Variants in BABAM2 observed in about 807,000 individuals in gnomAD.
BABAM2 encodes the protein BRISC and BRCA1 A complex member 2.
BABAM2 carries 31 observed loss-of-function variants against 54.7 expected under a neutral mutation model. The ratio of observed to expected loss-of-function variants is 0.57; its 90% CI spans 0.43 to 0.77. The LOEUF (loss-of-function observed/expected upper bound fraction) is 0.77. Among genes scored for constraint, BABAM2 ranks in the 30% least tolerant of loss-of-function variants. BABAM2 has a pLI of 0.00. For synonymous variants in BABAM2, 167 were observed against 162.9 expected (o/e 1.03, Z -0.19); for missense variants, 364 against 455.8 (o/e 0.80, Z 1.83).
At chr2:28,131,548 G>A (rs1390729967) in intron 7 of BABAM2, among the ~76,000 whole-genome samples, 2 of 152,048 alleles carry the variant, frequency 1.3e-5, no homozygotes, top group African/African-American at 4.8e-5. Context: ...CTCTGAGCTT[G>A]TTTCCTCAGT....
chr2:27,979,085 C>T (rs192827254), intron 3 of BABAM2, among the ~76,000 whole-genome samples: 17 of 147,724 alleles, frequency 1.2e-4, no homozygotes, highest in East Asian at 2.0e-4. Context: ...TGGAGTGCAG[C>T]GGCACAATCT....
intron 7 of BABAM2, among the ~76,000 whole-genome samples, chr2:28,232,673 C>G (rs1250041638): frequency 6.6e-6 from 1 of 152,064 alleles, no homozygotes; most frequent in Non-Finnish European, 1.5e-5. Context: ...ATTTGTGTGT[C>G]TAAACATATC....
intron 6 of BABAM2, among the ~76,000 whole-genome samples, chr2:28,085,146 A>C (rs542061886): frequency 1.3e-5 from 2 of 152,248 alleles, no homozygotes; most frequent in African/African-American, 4.8e-5. Flanking sequence ...TAGACATGGC[A>C]TAGGAAATGT....
chr2:27,996,511 A>G (rs1029644129), intron 4 of BABAM2: 3 of 112,058 alleles, frequency 2.7e-5, no homozygotes, highest in Admixed American at 8.7e-5. Context: ...GTGGATCTCA[A>G]ATTCTAAATG....
chr2:28,241,683 C>T (rs574689008), intron 9 of BABAM2, among the ~76,000 whole-genome samples: 84 of 151,922 alleles, frequency 5.5e-4, no homozygotes, highest in Non-Finnish European at 8.7e-4. Flanking sequence ...TTAGTAGAGA[C>T]GGGGTTTCAC....
At chr2:28,104,404 A>G (rs369113305) in intron 6 of BABAM2, among the ~76,000 whole-genome samples, 1,884 of 152,360 alleles carry the variant, frequency 0.012, 17 homozygotes, top group Middle Eastern at 0.031. Flanking sequence ...TTCTCAAAAG[A>G]AGACATTTAT....
At chr2:28,250,584 C>CTTTTT (rs34597279) in intron 10 of BABAM2, among the ~76,000 whole-genome samples, 25 of 136,982 alleles carry the variant, frequency 1.8e-4, no homozygotes, top group African/African-American at 2.7e-4. Flanking sequence ...ATATTTTTTT[C>CTTTTT]TTTTTTTTTT....
At chr2:28,143,507 AAC>A (rs771650942) in intron 7 of BABAM2, among the ~76,000 whole-genome samples, 1 of 152,142 alleles carries the variant, frequency 6.6e-6, no homozygotes, top group South Asian at 2.1e-4. Context: ...ATGTGCTTTT[AAC>A]ACACACACAA....
At chr2:28,269,077 C>T (rs1685212198) in intron 10 of BABAM2, among the ~76,000 whole-genome samples, 2 of 152,194 alleles carry the variant, frequency 1.3e-5, no homozygotes, top group South Asian at 4.1e-4. Flanking sequence ...ATACAGTTAT[C>T]ACGAGAAGTA....
At chr2:27,914,865 GA>G (rs1439569333) in intron 2 of BABAM2, among the ~76,000 whole-genome samples, 2 of 148,984 alleles carry the variant, frequency 1.3e-5, no homozygotes, top group African/African-American at 4.9e-5. Flanking sequence ...ATAAAATGGT[GA>G]TATAAAAATT....
chr2:27,901,414 A>G (rs1480411076), intron 2 of BABAM2, among the ~76,000 whole-genome samples: 2 of 152,172 alleles, frequency 1.3e-5, no homozygotes, highest in African/African-American at 4.8e-5. Context: ...ACTCAACCTC[A>G]CTGGCACATG....
intron 3 of BABAM2, among the ~76,000 whole-genome samples, chr2:27,981,662 C>T (rs1325091601): frequency 1.3e-5 from 2 of 152,100 alleles, no homozygotes; most frequent in African/African-American, 2.4e-5. Flanking sequence ...TTAATGTTTT[C>T]AAGGTTTATC....
At chr2:28,337,657 G>A (rs1453202966) in intron 11 of BABAM2, among the ~76,000 whole-genome samples, 1 of 152,194 alleles carries the variant, frequency 6.6e-6, no homozygotes, top group African/African-American at 2.4e-5. Flanking sequence ...GACTGCATGT[G>A]CGTTTGGAAA....
At chr2:28,068,792 G>A (rs1368511709) in intron 6 of BABAM2, among the ~76,000 whole-genome samples, 1 of 152,024 alleles carries the variant, frequency 6.6e-6, no homozygotes, top group East Asian at 1.9e-4. Flanking sequence ...CCCCGACACC[G>A]ACATATCTTA....
At chr2:27,983,754 C>T (rs192163260) in intron 3 of BABAM2, among the ~76,000 whole-genome samples, 11 of 151,830 alleles carry the variant, frequency 7.2e-5, no homozygotes, top group East Asian at 1.9e-4. Flanking sequence ...ATTTTTGGAT[C>T]GTTAATTACT....
intron 6 of BABAM2, among the ~76,000 whole-genome samples, chr2:28,111,682 C>T (rs1363993630): frequency 6.6e-6 from 1 of 152,216 alleles, no homozygotes; most frequent in South Asian, 2.1e-4. Context: ...TCTTTGGACC[C>T]GTTTTCTTTT....
At chr2:28,087,115 G>A (rs927912982) in intron 6 of BABAM2, among the ~76,000 whole-genome samples, 7 of 152,210 alleles carry the variant, frequency 4.6e-5, no homozygotes, top group African/African-American at 1.7e-4. Flanking sequence ...TCAAATGCCA[G>A]CATCAGTTGG....
intron 6 of BABAM2, among the ~76,000 whole-genome samples, chr2:28,122,370 G>A (rs566731867): frequency 9.3e-4 from 142 of 152,268 alleles, no homozygotes; most frequent in Non-Finnish European, 1.7e-3. Context: ...TTGGGAGGCT[G>A]AGGCAGGAGG....
intron 7 of BABAM2, among the ~76,000 whole-genome samples, chr2:28,157,596 C>A (rs1672668745): frequency 6.6e-6 from 1 of 152,086 alleles, no homozygotes; most frequent in Non-Finnish European, 1.5e-5. Flanking sequence ...AATGTATTAA[C>A]CCTGTTCAGC....
Sources: allele counts gnomAD v4.1 joint callset (sites outside exome capture counted in the v4.1 genomes callset), GRCh38; gene constraint gnomAD v4.1.1; transcripts MANE v1.5; gene names NCBI Gene and HGNC (gene_info 2026-07-23, HGNC 2026-07-21).